VRK2: variants seen among roughly 807,000 people sequenced by gnomAD.
VRK2 encodes the protein VRK serine/threonine kinase 2, also known as serine/threonine-protein kinase VRK2.
Under a neutral mutation model 57.6 loss-of-function variants are expected in VRK2, and 60 were observed. The observed-to-expected ratio is 1.04, with a 90% CI of 0.85 to 1.29. The LOEUF is 1.29. Among genes scored for constraint, VRK2 ranks in the 50% most tolerant of loss-of-function variants. The pLI, the probability that VRK2 is intolerant of heterozygous loss-of-function variation, is 0.00. For synonymous variants in VRK2, 231 were observed against 199.2 expected (o/e 1.16, Z -1.35); for missense variants, 705 against 588.1 (o/e 1.20, Z -2.06).
At chr2:57,995,811 C>A (rs1466666137) in intron 1 of VRK2, among the ~76,000 whole-genome samples, 1 of 152,160 alleles carries the variant, frequency 6.6e-6, no homozygotes, top group Non-Finnish European at 1.5e-5. Context: ...TGTGAGTCCA[C>A]TTTGGTACTA....
chr2:57,936,344 C>G (rs186905266), intron 1 of VRK2, among the ~76,000 whole-genome samples: 3 of 152,116 alleles, frequency 2.0e-5, no homozygotes, highest in African/African-American at 7.2e-5. Flanking sequence ...TTTTACCTAG[C>G]AAATAATGGT....
intron 2 of VRK2, among the ~76,000 whole-genome samples, chr2:58,067,091 T>C (rs1668710514): frequency 6.6e-6 from 1 of 152,200 alleles, no homozygotes; most frequent in Non-Finnish European, 1.5e-5. Context: ...TCCTGCTGGA[T>C]GCTTCCTGCT....
upstream of VRK2, among the ~76,000 whole-genome samples, chr2:58,042,128 G>C (rs1674483532): frequency 6.6e-6 from 1 of 152,062 alleles, no homozygotes; most frequent in African/African-American, 2.4e-5. Context: ...ACTTATCTCA[G>C]ATACTTTTTG....
chr2:58,153,832 G>A (rs74624787), intron 12 of VRK2, among the ~76,000 whole-genome samples: 1 of 151,958 alleles, frequency 6.6e-6, no homozygotes. Context: ...AACCATCTGG[G>A]TCTGGAGATT....
chr2:58,038,278 T>C lies in VRK2; in HGVS notation c.-6+4725T>C, dbSNP rs184621877. On this transcript the variant is annotated intron_variant, in intron 3 of 15. Coordinates refer to the VRK2 transcript ENST00000417641. The stretch of plus-strand genomic sequence containing the variant: ...TAATTGGAGGTTTCCCCTGCTCTCT[T>C]TTCTGCTGCCTTGTGAAAAAGGTAC... Among the ~76,000 whole-genome samples the C allele has an allele frequency of 1.1e-3, 174 of 152,224 alleles. 1 individual carries two copies. Among genetic ancestry groups the C allele is most frequent in the Non-Finnish European group, 1.9e-3 (128 of 67,980 alleles).
intron 7 of VRK2, among the ~76,000 whole-genome samples, chr2:58,098,188 C>G (rs1287594056): frequency 6.6e-6 from 1 of 151,860 alleles, no homozygotes; most frequent in Non-Finnish European, 1.5e-5. Context: ...TTTTGTATAG[C>G]TATACAATGT....
At chr2:58,157,869 T>A (rs1236569320) in intron 12 of VRK2, among the ~76,000 whole-genome samples, 1 of 152,156 alleles carries the variant, frequency 6.6e-6, no homozygotes, top group African/African-American at 2.4e-5. Flanking sequence ...CATAAACAAA[T>A]TGATGTGGCT....
chr2:58,021,320 G>T (rs1673749787), intron 1 of VRK2, among the ~76,000 whole-genome samples: 1 of 151,960 alleles, frequency 6.6e-6, no homozygotes, highest in African/African-American at 2.4e-5. Context: ...AGTGTGTATG[G>T]ACTCCAAATT....
intron 1 of VRK2, among the ~76,000 whole-genome samples, chr2:58,012,897 G>A (rs1250213219): frequency 6.6e-6 from 1 of 152,078 alleles, no homozygotes; most frequent in Non-Finnish European, 1.5e-5. Flanking sequence ...GTTTTTCAAT[G>A]AAAAATATAA....
rs1329079546 is a variant in VRK2, at chr2:58,126,583, A to G, written c.676+3350A>G. 2.0e-5 allele frequency among the ~76,000 whole-genome samples: 3 copies of G among 152,152 alleles called. No homozygotes were observed. The East Asian group carries it at 5.8e-4, about 29-fold the overall frequency. On this transcript the variant is annotated intron_variant, in intron 8 of 12. Transcript: ENST00000340157. Reference sequence around the variant, plus strand: ...GATGAATGGATGGATAACTATTCCTAGAACTCCTGTACATCTGCATATCTG... The same window carrying G: ...GATGAATGGATGGATAACTATTCCTGGAACTCCTGTACATCTGCATATCTG...
At chr2:58,108,700 TAGCC>T (rs1252652322) in intron 7 of VRK2, among the ~76,000 whole-genome samples, 3 of 152,212 alleles carry the variant, frequency 2.0e-5, no homozygotes, top group Non-Finnish European at 4.4e-5. Flanking sequence ...CTGTTAGAAA[TAGCC>T]TTTCCTTGCT....
Position 58,015,798 on chromosome 2 carries a change from G to T in VRK2, c.-438-9867G>T, listed in dbSNP as rs1421248901. Among the ~76,000 whole-genome samples, 3 of 152,202 alleles carry T rather than the reference G, an allele frequency of 2.0e-5. No homozygotes were observed. In the South Asian group the frequency reaches 6.2e-4, roughly 32 times the overall value. ...GCCATTGCACAGCATGGGAAAACAT[G>T]TTGCCCTCAAATGTAAATGTTAGCT... On this transcript the variant is annotated intron_variant, in intron 1 of 15. Transcript: ENST00000417641.
chr2:57,967,392 G>A (rs1183132000), intron 1 of VRK2, among the ~76,000 whole-genome samples: 2 of 151,642 alleles, frequency 1.3e-5, no homozygotes, highest in African/African-American at 4.8e-5. Flanking sequence ...TAATAAGATA[G>A]ATAATCTCAT....
Position 58,086,403 on chromosome 2 carries a change from T to C in VRK2, c.321T>C (p.Gly107=), listed in dbSNP as rs1235542172. The part of the protein sequence containing the change: ...YLGIPLFYGS[G]LTEFKGRSYR... Reference sequence around the variant, plus strand: ...GAATTCCTCTGTTTTATGGATCTGGTCTGACTGAATTCAAGGGAAGAAGGT... The same window carrying C: ...GAATTCCTCTGTTTTATGGATCTGGCCTGACTGAATTCAAGGGAAGAAGGT... The change falls in exon 5 of 13, where the codon GGT becomes GGC. Residue 107 remains glycine, a synonymous_variant. Transcript: ENST00000340157. The C allele has an allele frequency of 6.3e-7, 1 of 1,599,966 alleles. No individual in the cohort carries two copies.
rs1161628981 is a variant in VRK2, at chr2:58,093,544, T to A, written c.543+3821T>A. On this transcript the variant is annotated intron_variant, in intron 7 of 12. Coordinates refer to ENST00000340157, the MANE Select transcript of VRK2 (RefSeq NM_006296.7). ...TTTTCTTGTAAATTTGTTTGAGTTCTTTGTAGATTCTGGATATTAGTCCTT... is the reference window on the plus strand; with the variant it reads ...TTTTCTTGTAAATTTGTTTGAGTTCATTGTAGATTCTGGATATTAGTCCTT... Among the ~76,000 whole-genome samples, 679 of 152,276 alleles carry A rather than the reference T, an allele frequency of 4.5e-3. 7 individuals carry two copies. The highest frequency in any genetic ancestry group is 0.015 in the African/African-American group (639 of 41,558).
intron 10 of VRK2, among the ~76,000 whole-genome samples, chr2:58,138,578 A>G (rs1165742417): frequency 1.3e-4 from 20 of 152,128 alleles, no homozygotes; most frequent in Non-Finnish European, 2.5e-4. Flanking sequence ...ATTTTTCTCT[A>G]TAGGGAGTGA....
chr2:57,938,412 A>G (rs922393055), intron 1 of VRK2, among the ~76,000 whole-genome samples: 1 of 152,202 alleles, frequency 6.6e-6, no homozygotes, highest in Non-Finnish European at 1.5e-5. Context: ...GGGTACTGGA[A>G]GCAGTTATAC....
chr2:58,053,458 CTT>C (rs1676053630), intron 2 of VRK2, among the ~76,000 whole-genome samples: 1 of 152,172 alleles, frequency 6.6e-6, no homozygotes, highest in South Asian at 2.1e-4. Flanking sequence ...TAGAAGGAAT[CTT>C]TTGTTGGCGG....
chr2:57,955,622 T>C (rs553067498), intron 1 of VRK2, among the ~76,000 whole-genome samples: 2 of 152,112 alleles, frequency 1.3e-5, no homozygotes, highest in Non-Finnish European at 1.5e-5. Context: ...TCAAAAAACA[T>C]CTTCTCTATT....
Sources: allele counts gnomAD v4.1 joint callset (sites outside exome capture counted in the v4.1 genomes callset), GRCh38; gene constraint gnomAD v4.1.1; transcripts MANE v1.5; gene names NCBI Gene and HGNC (gene_info 2026-07-23, HGNC 2026-07-21).